The following PIK3C2G variants were observed in gnomAD, a reference collection of about 807,000 sequenced individuals.
PIK3C2G encodes phosphatidylinositol-4-phosphate 3-kinase catalytic subunit type 2 gamma, also known as phosphatidylinositol 3-kinase C2 domain-containing subunit gamma.
A neutral mutation model predicts 181.1 loss-of-function variants in PIK3C2G; 168 were observed. The observed-to-expected ratio is 0.93, with a 90% CI of 0.82 to 1.05. PIK3C2G has a LOEUF of 1.05. Ranked by LOEUF, PIK3C2G falls within the 50% of genes least tolerant of loss-of-function variation. The pLI, the probability that PIK3C2G is intolerant of heterozygous loss-of-function variation, is 0.00. For synonymous variants in PIK3C2G, 573 were observed against 592.2 expected, an observed-to-expected ratio of 0.97 and a Z score of 0.47; for missense variants, 1,869 against 1,732.8, an observed-to-expected ratio of 1.08 and a Z score of -1.40.
At chr12:18,392,909 C>A (rs1592143230) in intron 15 of PIK3C2G, among the ~76,000 whole-genome samples, 1 of 152,008 alleles carries the variant, frequency 6.6e-6, no homozygotes, top group Admixed American at 6.6e-5. Context: ...TTCTCATAGT[C>A]TTCATGACAC....
chr12:18,389,364 A>AG (rs1033217769), intron 14 of PIK3C2G, among the ~76,000 whole-genome samples: 3 of 151,974 alleles, frequency 2.0e-5, no homozygotes, highest in Non-Finnish European at 4.4e-5. Flanking sequence ...AAAAAAAAAA[A>AG]AAGAAATTTG....
intron 16 of PIK3C2G, among the ~76,000 whole-genome samples, chr12:18,420,339 T>A (rs1803394668): frequency 6.6e-6 from 1 of 152,068 alleles, no homozygotes; most frequent in African/African-American, 2.4e-5. Context: ...TTTATTTAAA[T>A]AAAAAACATT....
chr12:18,469,504 C>T (rs1197955462), intron 18 of PIK3C2G, among the ~76,000 whole-genome samples: 1 of 152,056 alleles, frequency 6.6e-6, no homozygotes, highest in Non-Finnish European at 1.5e-5. Context: ...TTATCCTATA[C>T]TTGTAATCAT....
the PIK3C2G span, chr12:18,719,736 C>T: frequency 4.1e-5 from 29 of 714,222 alleles, no homozygotes; most frequent in Non-Finnish European, 5.9e-5. Flanking sequence ...GAGCATATTT[C>T]TAAAATATTC....
rs542602577 is a variant in PIK3C2G at position 18,618,860 on chromosome 12, T to G, written c.4182+9231T>G. On this transcript the variant is annotated intron_variant, in intron 31 of 32. Coordinates refer to ENST00000538779, the MANE Select transcript of PIK3C2G (RefSeq NM_001288772.2). ...CTCAAGAGAAGAATGAAGATGACAG[T>G]GAACTTGAAGATAGACTCATAGAAA... Among the ~76,000 whole-genome samples the G allele has an allele frequency of 2.0e-5, 3 of 152,098 alleles. No individual in the cohort carries two copies. In the East Asian group the frequency reaches 5.8e-4, roughly 29 times the overall value.
chr12:18,631,597 G>A (rs1949354184), intron 31 of PIK3C2G, among the ~76,000 whole-genome samples: 2 of 152,114 alleles, frequency 1.3e-5, no homozygotes, highest in African/African-American at 2.4e-5. Flanking sequence ...ATGAATGAAG[G>A]AAAAGGGTGG....
chr12:18,713,903 TTTAAA>T, the PIK3C2G span: 1 of 152,220 alleles, frequency 6.6e-6, no homozygotes, highest in East Asian at 1.9e-4. Context: ...ACCCACTGTG[TTTAAA>T]TTAATTTTCA....
At chr12:18,706,577 A>G in the PIK3C2G span, among the ~76,000 whole-genome samples, 1 of 152,164 alleles carries the variant, frequency 6.6e-6, no homozygotes, top group South Asian at 2.1e-4. Context: ...GCCCTTTCTC[A>G]TTGCTGTAAC....
intron 1 of PIK3C2G, among the ~76,000 whole-genome samples, chr12:18,250,067 A>G (rs2136947739): frequency 6.6e-6 from 1 of 152,268 alleles, no homozygotes; most frequent in Middle Eastern, 3.4e-3. Context: ...AGAATTAGTC[A>G]GAAAAATCTG....
chr12:18,548,620 T>C (rs1944563972), intron 26 of PIK3C2G, among the ~76,000 whole-genome samples: 1 of 152,054 alleles, frequency 6.6e-6, no homozygotes, highest in African/African-American at 2.4e-5. Flanking sequence ...TAGAACCTCA[T>C]GGCAGTGAGG....
Position 18,562,739 on chromosome 12 carries a change from A to G in PIK3C2G, c.3627A>G (p.Lys1209=), listed in dbSNP as rs11044184. 9.8e-3 allele frequency: 15,695 copies of G among 1,605,400 alleles called. 1,368 individuals carry two copies. In the African/African-American group the frequency reaches 0.19, roughly 19 times the overall value. ...AAAGTCTGGAGTGTTTCCCTGTTAA[A>G]TTGAATAACTTGATCCACACACTTG... ...IKESLECFPV[K]LNNLIHTLAQ... is the part of the protein sequence containing the mutation. Residue 1209 remains lysine, a synonymous_variant, in exon 27 of 33, where the codon AAA becomes AAG. Coordinates refer to ENST00000538779, the MANE Select transcript of PIK3C2G (RefSeq NM_001288772.2).
chr12:18,633,942 T>C (rs1480945969), intron 31 of PIK3C2G, among the ~76,000 whole-genome samples: 1 of 152,156 alleles, frequency 6.6e-6, no homozygotes, highest in African/African-American at 2.4e-5. Flanking sequence ...CATAATAGTG[T>C]GTGGTGCCAT....
chr12:18,567,005 A>G lies in PIK3C2G; in HGVS notation c.3959A>G (p.Asp1320Gly), dbSNP rs563891575. The change falls in exon 29 of 33, where the codon GAT becomes GGT. Residue 1320 changes from aspartate (D) to glycine (G), a missense_variant. Asp to Gly is a moderately conservative substitution (Grantham distance 94). Coordinates refer to ENST00000538779, the MANE Select transcript of PIK3C2G (RefSeq NM_001288772.2). ...FTNSDHRRFRDLNHYMEQILN... is the reference protein window; with the variant it reads ...FTNSDHRRFRGLNHYMEQILN... Reference sequence around the variant, plus strand: ...AATTCAGATCACAGAAGATTCAGAGATCTAAATCATTACATGGAACAGATA... The same window carrying G: ...AATTCAGATCACAGAAGATTCAGAGGTCTAAATCATTACATGGAACAGATA... 1,335 of 1,592,368 alleles carry G rather than the reference A, an allele frequency of 8.4e-4. 29 individuals are homozygous for G. In the South Asian group the frequency reaches 0.014, roughly 16 times the overall value.
intron 16 of PIK3C2G, among the ~76,000 whole-genome samples, chr12:18,413,789 A>G (rs1009507070): frequency 2.0e-5 from 3 of 152,154 alleles, no homozygotes; most frequent in Non-Finnish European, 2.9e-5. Flanking sequence ...AGCAAATCTA[A>G]TAAAGCAGGA....
At chr12:18,712,296 T>A in the PIK3C2G span, among the ~76,000 whole-genome samples, 1 of 152,134 alleles carries the variant, frequency 6.6e-6, no homozygotes, top group Non-Finnish European at 1.5e-5. Flanking sequence ...CCTGCTCAAT[T>A]TATAGAGTAG....
At chr12:18,389,282 G>C (rs1943382365) in intron 14 of PIK3C2G, among the ~76,000 whole-genome samples, 1 of 151,974 alleles carries the variant, frequency 6.6e-6, no homozygotes, top group East Asian at 1.9e-4. Context: ...GAACCCGGCA[G>C]GTGGAGCTTG....
At position 18,476,261 on chromosome 12, in the gene PIK3C2G, G is replaced by C. The variant is rs546509315; in HGVS notation, c.2505-12188G>C. 2.0e-5 allele frequency among the ~76,000 whole-genome samples: 3 copies of C among 152,134 alleles called. No homozygotes were observed. In the South Asian group the frequency reaches 6.2e-4, roughly 32 times the overall value. On this transcript the variant is annotated intron_variant, in intron 18 of 32. Transcript: ENST00000538779. ...ATAGAAGCATCATTTCAGATACAGA[G>C]GACAGGGCAAGGCAAAAGCATTACA...
chr12:18,486,642 A>G, intron 18 of PIK3C2G, among the ~76,000 whole-genome samples: 1 of 152,136 alleles, frequency 6.6e-6, no homozygotes, highest in Middle Eastern at 3.4e-3. Context: ...TTTATGTACT[A>G]GATCAGGTTA....
chr12:18,686,315 T>C, the PIK3C2G span, among the ~76,000 whole-genome samples: 1 of 152,054 alleles, frequency 6.6e-6, no homozygotes, highest in South Asian at 2.1e-4. Flanking sequence ...AAAGTCTGAA[T>C]TTTATCCATT....
Sources: allele counts gnomAD v4.1 joint callset (sites outside exome capture counted in the v4.1 genomes callset), GRCh38; gene constraint gnomAD v4.1.1; transcripts MANE v1.5; gene names NCBI Gene and HGNC (gene_info 2026-07-23, HGNC 2026-07-21).